Variants in TNNI3K observed in about 807,000 individuals in gnomAD.
The protein encoded by TNNI3K is TNNI3 interacting kinase.
Under a neutral mutation model 114.5 loss-of-function variants are expected in TNNI3K, and 140 were observed. The ratio of observed to expected loss-of-function variants is 1.22; its 90% CI spans 1.07 to 1.41. TNNI3K has a LOEUF of 1.41. TNNI3K is among the 40% of genes most tolerant of loss of function. TNNI3K has a pLI of 0.00. For missense variants in TNNI3K, 1,125 were observed against 1,007.6 expected, an observed-to-expected ratio of 1.12 and a Z score of -1.58; for synonymous variants, 347 against 347.5, an observed-to-expected ratio of 1.00 and a Z score of 0.02.
At chr1:74,281,670 T>C (rs1001252621) in intron 5 of TNNI3K, among the ~76,000 whole-genome samples, 1 of 152,150 alleles carries the variant, frequency 6.6e-6, no homozygotes, top group Non-Finnish European at 1.5e-5. Context: ...TATTTTATCT[T>C]TTCATTGCAA....
In TNNI3K at chr1:74,369,006, CA is replaced by C; in HGVS notation, c.1322-14del. ...GTTTTTACCTTAAAAAATAAAATGA[CA>C]ATTTCTCTTTGCAGAGAAGGCAGAT... is the stretch of plus-strand genomic sequence containing the variant. On this transcript the variant is annotated splice_polypyrimidine_tract_variant and intron_variant, in intron 13 of 24. Coordinates refer to ENST00000326637, the MANE Select transcript of TNNI3K (RefSeq NM_015978.3). 4 of 1,585,420 alleles carry C rather than the reference CA, an allele frequency of 2.5e-6. No individual in the cohort carries two copies. The highest frequency in any genetic ancestry group is 3.4e-6 in the Non-Finnish European group (4 of 1,167,874).
chr1:74,462,765 C>G (rs889080248), intron 20 of TNNI3K, among the ~76,000 whole-genome samples: 1 of 152,070 alleles, frequency 6.6e-6, no homozygotes, highest in East Asian at 1.9e-4. Flanking sequence ...CAGTGAAGTT[C>G]TAAGAATCAC....
At chr1:74,536,076 A>G (rs1557634680) in intron 23 of TNNI3K, among the ~76,000 whole-genome samples, 2 of 152,106 alleles carry the variant, frequency 1.3e-5, no homozygotes, top group Admixed American at 1.3e-4. Flanking sequence ...TCCTTTCTGA[A>G]GCTTTGCCTA....
At chr1:74,542,172 C>T (rs370954216) in intron 24 of TNNI3K, among the ~76,000 whole-genome samples, 14 of 152,190 alleles carry the variant, frequency 9.2e-5, no homozygotes, top group Admixed American at 7.2e-4. Context: ...CAATGCCTTA[C>T]TGATTTTGCT....
At position 74,490,860 on chromosome 1, in the gene TNNI3K, A is replaced by G. The variant is rs76864885; in HGVS notation, c.2182-1237A>G. ...AAGAATAATTTTAACAGGAATACAT[A>G]TAAATATAATGTCCTGCAGCAGAGC... On this transcript the variant is annotated intron_variant, in intron 22 of 24. Transcript: ENST00000326637. Among the ~76,000 whole-genome samples the G allele has an allele frequency of 6.0e-3, 907 of 152,366 alleles. 12 individuals carry two copies. The highest frequency in any genetic ancestry group is 0.02 in the African/African-American group (842 of 41,586).
intron 5 of TNNI3K, among the ~76,000 whole-genome samples, chr1:74,280,412 A>G (rs140306964): frequency 0.046 from 6,998 of 151,930 alleles, 197 homozygotes; most frequent in Non-Finnish European, 0.054. Context: ...TAAAAAAGGA[A>G]AGAAGCACTG....
chr1:74,284,919 A>G (rs1408177561), intron 5 of TNNI3K, among the ~76,000 whole-genome samples: 1 of 152,264 alleles, frequency 6.6e-6, no homozygotes, highest in Admixed American at 6.5e-5. Context: ...CAATAGTTAA[A>G]GATTTTTTTT....
chr1:74,440,638 G>T (rs1666337198), intron 20 of TNNI3K, among the ~76,000 whole-genome samples: 1 of 152,044 alleles, frequency 6.6e-6, no homozygotes, highest in Non-Finnish European at 1.5e-5. Context: ...GCTTTTCACA[G>T]GTTATGTGCT....
rs757663763 is a variant in TNNI3K at position 74,369,122 on chromosome 1, AAAAT to A, written c.1414+24_1414+27del. 5.0e-6 allele frequency: 8 copies of A among 1,600,910 alleles called. No homozygotes were observed. Among genetic ancestry groups the A allele is most frequent in the South Asian group, 2.3e-5 (2 of 88,016 alleles). On this transcript the variant is annotated intron_variant, in intron 14 of 24. Coordinates refer to ENST00000326637, the MANE Select transcript of TNNI3K (RefSeq NM_015978.3). ...ATGAGATTATTGGCTCAGGTAACCT[AAAAT>A]AAATAAATAAATAAAGGTCCGGTTT...
intron 23 of TNNI3K, among the ~76,000 whole-genome samples, chr1:74,525,895 A>C (rs1206838290): frequency 6.6e-6 from 1 of 152,228 alleles, no homozygotes; most frequent in Non-Finnish European, 1.5e-5. Flanking sequence ...TGGCAAGAGA[A>C]GAGGTTTTCA....
chr1:74,412,955 C>T (rs547654698), intron 17 of TNNI3K, among the ~76,000 whole-genome samples: 19 of 152,230 alleles, frequency 1.2e-4, no homozygotes, highest in Admixed American at 2.6e-4. Context: ...AAATGTACAC[C>T]ATAAGTTCTC....
intron 21 of TNNI3K, chr1:74,480,454 A>G (rs769475555): frequency 1.4e-6 from 1 of 717,556 alleles, no homozygotes; most frequent in Non-Finnish European, 2.6e-6. Context: ...GCTTCAGTGG[A>G]GTAAACACAT....
At chr1:74,514,629 C>G (rs1454758847) in intron 23 of TNNI3K, among the ~76,000 whole-genome samples, 1 of 152,094 alleles carries the variant, frequency 6.6e-6, no homozygotes, top group Non-Finnish European at 1.5e-5. Context: ...GAAACATCTT[C>G]TGAGATAGTA....
intron 2 of TNNI3K, chr1:74,240,058 C>T (rs866316143): frequency 6.9e-6 from 3 of 436,712 alleles, no homozygotes; most frequent in Middle Eastern, 3.5e-4. Flanking sequence ...TTATATCCTC[C>T]TCTGTGCTGC....
intron 5 of TNNI3K, among the ~76,000 whole-genome samples, chr1:74,288,910 A>T (rs776438498): frequency 1.3e-5 from 2 of 151,974 alleles, no homozygotes; most frequent in African/African-American, 2.4e-5. Flanking sequence ...TGTCAGTTAT[A>T]CCTCAATAAA....
At chr1:74,335,790 A>G (rs1399164751) in intron 6 of TNNI3K, among the ~76,000 whole-genome samples, 1 of 152,162 alleles carries the variant, frequency 6.6e-6, no homozygotes, top group Admixed American at 6.5e-5. Flanking sequence ...GAGTTGATCT[A>G]TCCTACTTGC....
In TNNI3K at chr1:74,384,153, C is replaced by G. The variant is rs987947616; in HGVS notation, c.1772+13761C>G. 1.1e-4 allele frequency among the ~76,000 whole-genome samples: 16 copies of G among 152,120 alleles called. 1 individual carries two copies. The highest frequency in any genetic ancestry group is 1.8e-4 in the Non-Finnish European group (12 of 68,016). ...GAGCTGTACTTTCTAGAATTCATAG[C>G]TGAAATGAGAAGGTAGTTCTCACTT... is the stretch of plus-strand genomic sequence containing the variant. On this transcript the variant is annotated intron_variant, in intron 17 of 24. Transcript: ENST00000326637.
intron 2 of TNNI3K, 48 bp from the exon 3 acceptor site, chr1:74,249,411 T>G: frequency 6.4e-7 from 1 of 1,553,072 alleles, no homozygotes; most frequent in Non-Finnish European, 8.8e-7. Flanking sequence ...TGAAAGACAA[T>G]ATGCTAAAAG....
chr1:74,364,066 T>A (rs1185470175), intron 11 of TNNI3K, among the ~76,000 whole-genome samples: 3 of 150,170 alleles, frequency 2.0e-5, no homozygotes, highest in African/African-American at 7.4e-5. Flanking sequence ...ATGGTGTGAT[T>A]GTAGCTCACT....
Sources: allele counts gnomAD v4.1 joint callset (sites outside exome capture counted in the v4.1 genomes callset), GRCh38; gene constraint gnomAD v4.1.1; transcripts MANE v1.5; gene names NCBI Gene and HGNC (gene_info 2026-07-23, HGNC 2026-07-21).